Variants in PLOD1 observed in about 807,000 individuals in gnomAD.
PLOD1 encodes lysine hydroxylase.
A neutral mutation model predicts 94.7 loss-of-function variants in PLOD1; 70 were observed. The ratio of observed to expected loss-of-function variants is 0.74; its 90% confidence interval spans 0.61 to 0.90. PLOD1 has a LOEUF of 0.90. Ranked by LOEUF, PLOD1 falls within the 40% of genes least tolerant of loss-of-function variation. PLOD1 has a pLI of 0.00. For missense variants in PLOD1, 905 were observed against 972.7 expected, an observed-to-expected ratio of 0.93 and a Z score of 0.93; for synonymous variants, 417 against 400.2, an observed-to-expected ratio of 1.04 and a Z score of -0.50.
intron 12 of PLOD1, 111 bp downstream of exon 12, chr1:11,964,411 T>A: frequency 1.6e-6 from 2 of 1,225,598 alleles, no homozygotes; most frequent in Non-Finnish European, 1.2e-6. Flanking sequence ...CAAATTCCTG[T>A]TGAACCTGAA....
At chr1:11,944,777 T>C (rs1028446627) in intron 1 of PLOD1, 1 of 748,804 alleles carries the variant, frequency 1.3e-6, no homozygotes, top group South Asian at 1.8e-5. Context: ...CCCTCTGCCC[T>C]GGGGCCAGCT....
chr1:11,961,049 A>C (rs1569714436), intron 10 of PLOD1, among the ~76,000 whole-genome samples: 1 of 152,148 alleles, frequency 6.6e-6, no homozygotes. Flanking sequence ...ACAAAGGCTG[A>C]CTATTAGGGA....
intron 10 of PLOD1, among the ~76,000 whole-genome samples, chr1:11,962,231 T>C (rs2100755628): frequency 6.7e-6 from 1 of 150,198 alleles, no homozygotes; most frequent in African/African-American, 2.5e-5. Flanking sequence ...CACCTGGTGA[T>C]GACCTTCACA....
At chr1:11,953,203 G>C (rs1470182915) in intron 5 of PLOD1, among the ~76,000 whole-genome samples, 4 of 151,984 alleles carry the variant, frequency 2.6e-5, no homozygotes, top group African/African-American at 9.7e-5. Flanking sequence ...CTACAGGCGT[G>C]CACCACCACG....
chr1:11,970,188 T>C (rs1569735759), intron 16 of PLOD1, among the ~76,000 whole-genome samples: 2 of 150,422 alleles, frequency 1.3e-5, no homozygotes, highest in South Asian at 4.3e-4. Flanking sequence ...GCGGTGGAGG[T>C]TGCAGTGAGC....
intron 1 of PLOD1, among the ~76,000 whole-genome samples, chr1:11,935,689 A>G (rs948192839): frequency 6.6e-6 from 1 of 151,624 alleles, no homozygotes; most frequent in Admixed American, 6.6e-5. Context: ...CAGTGGCACA[A>G]TCTCAGCTCA....
In PLOD1 at chr1:11,974,697, C is replaced by G. The variant is rs1645891406; in HGVS notation, c.2073C>G (p.Ala691=). 1 of 1,613,864 alleles carries G rather than the reference C, an allele frequency of 6.2e-7. No individual in the cohort carries two copies. The highest frequency in any genetic ancestry group is 8.5e-7 in the Non-Finnish European group (1 of 1,179,914). ...RFLRYNCSIR[A]PRKGWTLMHP... is the part of the protein sequence containing the mutation. ...TGCGCTACAACTGTTCCATCCGAGC[C>G]CCAAGGAAGGGCTGGACCCTCATGC... is the stretch of plus-strand genomic sequence containing the variant. The change falls in exon 19 of 19, where the codon GCC becomes GCG. Residue 691 remains alanine (A), a synonymous_variant. Transcript: ENST00000196061.
At chr1:11,944,103 G>A (rs977193754) in intron 1 of PLOD1, among the ~76,000 whole-genome samples, 10 of 151,874 alleles carry the variant, frequency 6.6e-5, no homozygotes, top group South Asian at 2.1e-4. Context: ...CGTGGTGGCC[G>A]GCACCTGTAA....
chr1:11,955,200 C>T (rs1045586863), intron 6 of PLOD1, among the ~76,000 whole-genome samples: 1 of 152,234 alleles, frequency 6.6e-6, no homozygotes, highest in South Asian at 2.1e-4. Flanking sequence ...CCCACTTTCC[C>T]GGCCCTCCCA....
At position 11,934,803 on chromosome 1, in the gene PLOD1, C is replaced by T. The variant is rs1401938501; in HGVS notation, c.24C>T (p.Ala8=). MRPLLLL[A]LLGWLLLAEA... is the part of the protein sequence containing the mutation. ...CCATGCGGCCCCTGCTGCTACTGGCCCTGCTGGGCTGGCTGCTGCTGGCCG... is the reference window on the plus strand; with the variant it reads ...CCATGCGGCCCCTGCTGCTACTGGCTCTGCTGGGCTGGCTGCTGCTGGCCG... Residue 8 remains alanine (A), a synonymous_variant, in exon 1 of 19, where the codon GCC becomes GCT. Coordinates refer to ENST00000196061, the MANE Select transcript of PLOD1 (RefSeq NM_000302.4). 1 of 1,540,764 alleles carries T rather than the reference C, an allele frequency of 6.5e-7. No homozygotes were observed. Among genetic ancestry groups the T allele is most frequent in the Non-Finnish European group, 8.7e-7 (1 of 1,146,002 alleles).
At chr1:11,973,117 A>G (rs1420388061) in intron 18 of PLOD1, 120 bp downstream of exon 18, 14 of 1,032,694 alleles carry the variant, frequency 1.4e-5, no homozygotes, top group Non-Finnish European at 2.0e-5. Context: ...AGAGAACCAG[A>G]AAAAAAAGGA....
intron 10 of PLOD1, 135 bp downstream of exon 10, chr1:11,960,902 C>T: frequency 7.4e-7 from 1 of 1,343,114 alleles, no homozygotes; most frequent in Non-Finnish European, 1.0e-6. Context: ...CCTTTCTGGG[C>T]CTTGGAGTTT....
At chr1:11,948,475 C>T (rs1645672496) in intron 2 of PLOD1, among the ~76,000 whole-genome samples, 1 of 152,196 alleles carries the variant, frequency 6.6e-6, no homozygotes, top group Non-Finnish European at 1.5e-5. Context: ...GGGCTCACGC[C>T]TGTATTCCCA....
At position 11,949,914 on chromosome 1, in the gene PLOD1, G is replaced by A. The variant is rs1318289479; in HGVS notation, c.302+8G>A. ...CATTCTCTTCGCAGACAGGTAGGTG[G>A]GTCAGGGCTTCCTAGCCTGGGCCCC... On this transcript the variant is annotated splice_region_variant and intron_variant, in intron 3 of 18. Coordinates refer to ENST00000196061, the MANE Select transcript of PLOD1 (RefSeq NM_000302.4). 6.2e-7 allele frequency: 1 copy of A among 1,613,800 alleles called. No homozygotes were observed. The highest frequency in any genetic ancestry group is 1.7e-5 in the Admixed American group (1 of 60,014).
In PLOD1 at chr1:11,952,609, C is replaced by T. The variant is rs905282542; in HGVS notation, c.467-14C>T. The T allele has an allele frequency of 6.3e-6, 10 of 1,594,446 alleles. No homozygotes were observed. The highest frequency in any genetic ancestry group is 6.9e-6 in the Non-Finnish European group (8 of 1,162,066). The stretch of plus-strand genomic sequence containing the variant: ...TAAGGGTCCGTCTTGGTGTCCCCAC[C>T]CACCAACCTTCAGGCTTCATCGGTT... On this transcript the variant is annotated splice_polypyrimidine_tract_variant and intron_variant, in intron 4 of 18. Transcript: ENST00000196061.
intron 1 of PLOD1, among the ~76,000 whole-genome samples, chr1:11,940,605 C>A (rs1399985669): frequency 6.6e-6 from 1 of 152,164 alleles, no homozygotes; most frequent in Non-Finnish European, 1.5e-5. Flanking sequence ...TCTTTAGCAC[C>A]CTCTCTGTTG....
At chr1:11,970,179 C>A (rs1013508684) in intron 16 of PLOD1, among the ~76,000 whole-genome samples, 1 of 151,750 alleles carries the variant, frequency 6.6e-6, no homozygotes, top group Non-Finnish European at 1.5e-5. Context: ...TGAACTCAGG[C>A]GGTGGAGGTT....
At chr1:11,967,565 A>AT (rs1259361959) in intron 16 of PLOD1, among the ~76,000 whole-genome samples, 1,113 of 95,136 alleles carry the variant, frequency 0.012, 28 homozygotes, top group African/African-American at 0.042. Context: ...TTCAGGTACC[A>AT]TTTTTTTTTT....
intron 16 of PLOD1, among the ~76,000 whole-genome samples, chr1:11,968,098 C>T (rs11121844): frequency 0.28 from 42,798 of 151,394 alleles, 6,961 homozygotes; most frequent in East Asian, 0.41. Context: ...GGACTACAGG[C>T]GTGTGCCACC....
Sources: allele counts gnomAD v4.1 joint callset (sites outside exome capture counted in the v4.1 genomes callset), GRCh38; gene constraint gnomAD v4.1.1; transcripts MANE v1.5; gene names NCBI Gene and HGNC (gene_info 2026-07-23, HGNC 2026-07-21).